Variants in TTC8 observed in about 807,000 individuals in gnomAD.
The protein encoded by TTC8 is tetratricopeptide repeat protein 8.
In TTC8, 47 loss-of-function variants were observed where a neutral mutation model predicts 72.5. The ratio of observed to expected loss-of-function variants is 0.65; its 90% CI spans 0.51 to 0.83. The LOEUF is 0.83. Among genes scored for constraint, TTC8 ranks in the 40% least tolerant of loss-of-function variants. The pLI is 0.00. For synonymous variants in TTC8, 199 were observed against 221.4 expected, an observed-to-expected ratio of 0.90 and a Z score of 0.90; for missense variants, 611 against 623.2, an observed-to-expected ratio of 0.98 and a Z score of 0.21.
chr14:88,853,842 A>G lies in TTC8; in HGVS notation c.710+786A>G, dbSNP rs193271622. Among the ~76,000 whole-genome samples the G allele has an allele frequency of 1.1e-3, 175 of 152,330 alleles. 1 individual carries two copies. In the East Asian group the frequency reaches 0.028, roughly 25 times the overall value. The stretch of plus-strand genomic sequence containing the variant: ...GTTGCTGATATTGAAATGCATATAG[A>G]ACATTTGGAAAAATAGAAACAAATG... On this transcript the variant is annotated intron_variant, in intron 8 of 14. Coordinates refer to ENST00000380656, the MANE Select transcript of TTC8 (RefSeq NM_144596.4).
rs577782942 is a variant in TTC8 at position 88,871,235 on chromosome 14, G to A, written c.1050-314G>A. Among the ~76,000 whole-genome samples the A allele has an allele frequency of 2.9e-4, 44 of 152,312 alleles. No individual in the cohort carries two copies. The highest frequency in any genetic ancestry group is 1.0e-3 in the African/African-American group (43 of 41,574). ...ATGGGCAGCAAAGCTTTATAAAGCT[G>A]AAGTGTGTGGGCGTTACTTTTTGTG... On this transcript the variant is annotated intron_variant, in intron 11 of 14. Coordinates refer to ENST00000380656, the MANE Select transcript of TTC8 (RefSeq NM_144596.4). The surrounding 1 kb of genome is among the most constrained non-coding windows in gnomAD (Gnocchi z 4.1).
intron 1 of TTC8, among the ~76,000 whole-genome samples, chr14:88,831,225 C>T (rs1356847372): frequency 6.6e-6 from 1 of 152,190 alleles, no homozygotes; most frequent in Non-Finnish European, 1.5e-5. Flanking sequence ...TGGCAATGAC[C>T]CAGAAGTTAC....
intron 7 of TTC8, among the ~76,000 whole-genome samples, chr14:88,847,546 A>C (rs930346065): frequency 6.6e-6 from 1 of 152,208 alleles, no homozygotes; most frequent in African/African-American, 2.4e-5. Context: ...TGACTCTTTT[A>C]TCTTTATGAT....
At chr14:88,829,516 G>A (rs942216186) in intron 1 of TTC8, among the ~76,000 whole-genome samples, 3 of 152,142 alleles carry the variant, frequency 2.0e-5, no homozygotes, top group Admixed American at 6.5e-5. Context: ...TTAATAAAAC[G>A]TAAAGGTTTT....
At chr14:88,861,075 A>G (rs1424692214) in intron 9 of TTC8, 147 bp from the exon 10 acceptor site, 2 of 615,294 alleles carry the variant, frequency 3.3e-6, no homozygotes, top group African/African-American at 3.7e-5. Flanking sequence ...AAATGCTGGG[A>G]ATACAGGTGT....
chr14:88,873,442 T>G (rs1473794644), intron 13 of TTC8, among the ~76,000 whole-genome samples: 1 of 152,222 alleles, frequency 6.6e-6, no homozygotes, highest in Non-Finnish European at 1.5e-5. Context: ...ATTTACCACT[T>G]TATCAGATAT....
Position 88,877,383 on chromosome 14 carries a change from A to G in TTC8, c.1521A>G (p.Gln507=), listed in dbSNP as rs377014623. Reference sequence around the variant, plus strand: ...TGGACACACAACATTTAATTAAACAATTAAGGCAGCATTTTGCTATGCTCT... The same window carrying G: ...TGGACACACAACATTTAATTAAACAGTTAAGGCAGCATTTTGCTATGCTCT... ...DHVDTQHLIK[Q]LRQHFAML Residue 507 remains glutamine, a synonymous_variant, in exon 15 of 15, where the codon CAA becomes CAG. Transcript: ENST00000380656. The G allele has an allele frequency of 1.9e-6, 3 of 1,613,632 alleles. No individual in the cohort carries two copies. The African/African-American group carries it at 4.0e-5, about 22-fold the overall frequency.
intron 6 of TTC8, among the ~76,000 whole-genome samples, chr14:88,842,122 G>A (rs988175991): frequency 2.0e-5 from 3 of 152,036 alleles, no homozygotes; most frequent in Admixed American, 1.3e-4. Context: ...AAAGGAAGGT[G>A]TCCATGACCT....
At position 88,848,233 on chromosome 14, in the gene TTC8, A is replaced by G. The variant is rs191415606; in HGVS notation, c.624+4383A>G. On this transcript the variant is annotated intron_variant, in intron 7 of 14. Transcript: ENST00000380656. ...TTTACATTAGAAAAAATGCTGGTAA[A>G]TAAGCACATTAGAGGTGTACTTTTT... Among the ~76,000 whole-genome samples the G allele has an allele frequency of 1.2e-3, 183 of 152,076 alleles. 1 individual carries two copies. The highest frequency in any genetic ancestry group is 4.1e-3 in the African/African-American group (171 of 41,510).
At chr14:88,837,108 C>A in intron 2 of TTC8, 1 of 229,306 alleles carries the variant, frequency 4.4e-6, no homozygotes, top group Non-Finnish European at 8.9e-6. Context: ...TTAGGTAGGA[C>A]TCCAAATCAT....
At chr14:88,841,565 G>A (rs775223307) in intron 6 of TTC8, 51 bp downstream of exon 6, 2 of 1,404,232 alleles carry the variant, frequency 1.4e-6, no homozygotes, top group Non-Finnish European at 2.0e-6. Context: ...CACGTATGAT[G>A]ATAATGACAA....
Position 88,877,559 on chromosome 14 carries a change from C to G in TTC8, c.*149C>G, listed in dbSNP as rs2094962370. ...GTTAAGGTGACACATAAGGGTGACA[C>G]AGAATGTGTAATGCAAATTTCATAG... On this transcript the variant is annotated 3_prime_UTR_variant, in exon 15 of 15. Transcript: ENST00000380656. 1.5e-6 allele frequency: 1 copy of G among 654,102 alleles called. No individual in the cohort carries two copies. The highest frequency in any genetic ancestry group is 4.3e-4 in the Middle Eastern group (1 of 2,340). 40.5% of individuals were successfully genotyped at this position (654,102 alleles called of 1,614,324 possible). A position where few individuals can be genotyped will look rare whatever the true frequency, so the allele number is the denominator to read the frequency against.
At chr14:88,840,538 A>G (rs1180269700) in intron 3 of TTC8, among the ~76,000 whole-genome samples, 2 of 152,182 alleles carry the variant, frequency 1.3e-5, no homozygotes, top group Non-Finnish European at 2.9e-5. Context: ...AGATAGAACC[A>G]TTATTTTGAA....
At position 88,871,842 on chromosome 14, in the gene TTC8, A is replaced by T. The variant is rs527891167; in HGVS notation, c.1224+119A>T. 1 of 1,177,270 alleles carries T rather than the reference A, an allele frequency of 8.5e-7. No individual in the cohort carries two copies. Among genetic ancestry groups the T allele is most frequent in the Non-Finnish European group, 1.3e-6 (1 of 799,418 alleles). 72.9% of individuals were successfully genotyped at this position (1,177,270 alleles called of 1,614,324 possible). ...TGAAGCAGGAGGATTGCTTGAGCCC[A>T]GGAGTTTGAGACCACCCTGGGCAAC... On this transcript the variant is annotated intron_variant, in intron 12 of 14. Transcript: ENST00000380656. The surrounding 1 kb of genome is among the most constrained non-coding windows in gnomAD (Gnocchi z 4.1).
At chr14:88,864,536 T>TA (rs2141022752) in intron 10 of TTC8, among the ~76,000 whole-genome samples, 1 of 152,354 alleles carries the variant, frequency 6.6e-6, no homozygotes, top group East Asian at 1.9e-4. Flanking sequence ...AAGCCTCTGT[T>TA]ACAGTCACTG....
intron 7 of TTC8, among the ~76,000 whole-genome samples, chr14:88,848,969 T>G (rs1360737445): frequency 2.6e-5 from 4 of 152,210 alleles, no homozygotes; most frequent in African/African-American, 9.6e-5. Flanking sequence ...TGCCAATTTG[T>G]ACTCTGCTTG....
chr14:88,862,865 T>C lies in TTC8; in HGVS notation c.909+1533T>C, dbSNP rs183114296. Among the ~76,000 whole-genome samples the C allele has an allele frequency of 7.4e-4, 112 of 151,638 alleles. 1 individual carries two copies. In the East Asian group the frequency reaches 0.018, roughly 24 times the overall value. On this transcript the variant is annotated intron_variant, in intron 10 of 14. Transcript: ENST00000380656. ...TCGTCAAATTCTATGAAAAGTCCCA[T>C]TGAGATATCTTCCCTGCTATCTAAT...
In TTC8 at chr14:88,870,170, C is replaced by G; in HGVS notation, c.1021C>G (p.Gln341Glu). 6.2e-7 allele frequency: 1 copy of G among 1,614,126 alleles called. No homozygotes were observed. Among genetic ancestry groups the G allele is most frequent in the Non-Finnish European group, 8.5e-7 (1 of 1,179,986 alleles). ...CIGSNHFYSD[Q>E]PEIALRFYRR... ...TGGAAGCAACCACTTCTATTCTGAT[C>G]AGCCAGAAATAGCTCTCCGGTTTTA... Residue 341 changes from glutamine (Q) to glutamate (E), a missense_variant, in exon 11 of 15, where the codon CAG becomes GAG. Coordinates refer to ENST00000380656, the MANE Select transcript of TTC8 (RefSeq NM_144596.4).
chr14:88,853,341 A>T (rs1321084576), intron 8 of TTC8, among the ~76,000 whole-genome samples: 5 of 152,214 alleles, frequency 3.3e-5, no homozygotes, highest in Non-Finnish European at 1.5e-5. Context: ...AATTTGCATC[A>T]GGAGCTAGTG....
Sources: gnomAD v4.1 joint callset for allele counts (sites outside exome capture counted in the v4.1 genomes callset) on GRCh38, gnomAD v4.1.1 for gene constraint, Gnocchi (gnomAD v3.1) non-coding constraint, MANE v1.5 for transcripts, NCBI Gene and HGNC (gene_info 2026-07-23, HGNC 2026-07-21) for gene names.